SLC67A2: variants seen among roughly 807,000 people sequenced by gnomAD.
SLC67A2 encodes the protein solute carrier family 67 member 2, also known as solute carrier family 67 member A2.
chr2:102,731,005 G>T, the SLC67A2 span: 2 of 1,611,548 alleles, frequency 1.2e-6, no homozygotes, highest in Non-Finnish European at 1.7e-6. Flanking sequence ...TGATGGATGA[G>T]ACATGTGATC....
At chr2:102,716,611 A>G in the SLC67A2 span, 9 of 152,372 alleles carry the variant, frequency 5.9e-5, no homozygotes, top group East Asian at 1.5e-3. Context: ...TATCATAAAT[A>G]TTTGATTTTA....
the SLC67A2 span, chr2:102,718,578 G>A: frequency 1.6e-5 from 26 of 1,613,034 alleles, no homozygotes; most frequent in South Asian, 3.3e-5. Context: ...GCGATGATGC[G>A]GCCCACTGCA....
chr2:102,733,006 G>A, the SLC67A2 span, among the ~76,000 whole-genome samples: 6 of 152,160 alleles, frequency 3.9e-5, no homozygotes, highest in South Asian at 8.3e-4. Context: ...CCAAGCTTCC[G>A]TGCTGTCATC....
chr2:102,717,766 T>C, the SLC67A2 span: 3 of 152,690 alleles, frequency 2.0e-5, no homozygotes, highest in African/African-American at 2.4e-5. Flanking sequence ...TGGTCTTTAC[T>C]GCCATGAGAA....
chr2:102,735,461 C>T, the SLC67A2 span, among the ~76,000 whole-genome samples: 1 of 152,162 alleles, frequency 6.6e-6, no homozygotes, highest in Admixed American at 6.5e-5. Flanking sequence ...GGGCAGAAAA[C>T]GATGACTCCC....
chr2:102,722,108 G>T, the SLC67A2 span, among the ~76,000 whole-genome samples: 1 of 152,190 alleles, frequency 6.6e-6, no homozygotes, highest in East Asian at 1.9e-4. Flanking sequence ...GAGAACGTAA[G>T]CAGTAAAACA....
chr2:102,725,288 T>C, the SLC67A2 span, among the ~76,000 whole-genome samples: 3 of 152,198 alleles, frequency 2.0e-5, no homozygotes, highest in African/African-American at 7.2e-5. Flanking sequence ...CTCAACACTG[T>C]GGAGGTTACA....
At chr2:102,718,335 C>A in the SLC67A2 span, 9 of 1,513,720 alleles carry the variant, frequency 5.9e-6, no homozygotes, top group South Asian at 1.2e-5. Context: ...CCACCCCAAC[C>A]CTTTCCAAAG....
the SLC67A2 span, chr2:102,718,744 G>A: frequency 1.9e-6 from 3 of 1,613,874 alleles, no homozygotes; most frequent in Non-Finnish European, 2.5e-6. Flanking sequence ...CCAAGGAGTA[G>A]AGCAGCAGCA....
chr2:102,728,344 A>G, the SLC67A2 span, among the ~76,000 whole-genome samples: 10 of 152,070 alleles, frequency 6.6e-5, no homozygotes, highest in Non-Finnish European at 1.3e-4. Context: ...GATGTTCCAC[A>G]ACCATTCCTC....
At chr2:102,718,904 A>G in the SLC67A2 span, 7 of 1,614,080 alleles carry the variant, frequency 4.3e-6, no homozygotes, top group African/African-American at 2.7e-5. Flanking sequence ...CCGCACCCCA[A>G]AGCGCTCCTC....
At chr2:102,729,753 T>C in the SLC67A2 span, among the ~76,000 whole-genome samples, 1 of 152,190 alleles carries the variant, frequency 6.6e-6, no homozygotes, top group Admixed American at 6.5e-5. Context: ...TCCTCCTATA[T>C]AAAAGAAAGA....
At chr2:102,726,724 T>A in the SLC67A2 span, 1 of 1,409,398 alleles carries the variant, frequency 7.1e-7, no homozygotes. Context: ...GAACACTCTT[T>A]AAGCAAGTAA....
chr2:102,721,600 TGAA>T, the SLC67A2 span, among the ~76,000 whole-genome samples: 1 of 152,032 alleles, frequency 6.6e-6, no homozygotes, highest in Non-Finnish European at 1.5e-5. Context: ...ACTCTCTAAG[TGAA>T]GAAGAAGAAA....
chr2:102,727,792 G>GT, the SLC67A2 span, among the ~76,000 whole-genome samples: 1 of 152,114 alleles, frequency 6.6e-6, no homozygotes, highest in Non-Finnish European at 1.5e-5. Context: ...AATTAGAACA[G>GT]TAACAGTCTC....
At chr2:102,732,248 G>T in the SLC67A2 span, 2 of 1,224,348 alleles carry the variant, frequency 1.6e-6, no homozygotes, top group South Asian at 1.2e-5. Context: ...ATACAAAATT[G>T]AATTGTTTTC....
the SLC67A2 span, chr2:102,719,105 G>C: frequency 6.2e-7 from 1 of 1,614,106 alleles, no homozygotes; most frequent in Admixed American, 1.7e-5. Flanking sequence ...CTCCTGCACT[G>C]TGTCATGGCT....
At chr2:102,719,277 A>T in the SLC67A2 span, 2 of 1,458,116 alleles carry the variant, frequency 1.4e-6, no homozygotes, top group South Asian at 2.6e-5. Context: ...TCCTTGGGGA[A>T]GGGCCAATTA....
the SLC67A2 span, among the ~76,000 whole-genome samples, chr2:102,734,324 T>C: frequency 1.3e-5 from 2 of 152,138 alleles, no homozygotes; most frequent in Non-Finnish European, 2.9e-5. Flanking sequence ...AAAAAAGTGG[T>C]TGAAATAATA....
Sources: gnomAD v4.1 joint callset for allele counts (sites outside exome capture counted in the v4.1 genomes callset) on GRCh38, gnomAD v4.1.1 for gene constraint, MANE v1.5 for transcripts, NCBI Gene and HGNC (gene_info 2026-07-23, HGNC 2026-07-21) for gene names.